Variants in KIAA1217 observed in about 807,000 individuals in gnomAD.
KIAA1217 encodes sickle tail protein homolog.
KIAA1217 carries 88 observed loss-of-function variants against 163.9 expected under a neutral mutation model. The observed-to-expected ratio is 0.54, with a 90% CI of 0.45 to 0.64. The LOEUF is 0.64. Among genes scored for constraint, KIAA1217 ranks in the 30% least tolerant of loss-of-function variants. The pLI is 0.00. For missense variants in KIAA1217, 2,372 were observed against 2,475.0 expected, an observed-to-expected ratio of 0.96 and a Z score of 0.88; for synonymous variants, 903 against 923.1, an observed-to-expected ratio of 0.98 and a Z score of 0.39.
chr10:23,843,366 C>T (rs2131073330), intron 1 of KIAA1217, among the ~76,000 whole-genome samples: 1 of 152,162 alleles, frequency 6.6e-6, no homozygotes, highest in South Asian at 2.1e-4. Context: ...AGCCTTTTTC[C>T]AACTCCCAGT....
intron 3 of KIAA1217, among the ~76,000 whole-genome samples, chr10:24,421,680 GT>G (rs2058742027): frequency 1.3e-5 from 2 of 152,134 alleles, no homozygotes; most frequent in Admixed American, 1.3e-4. Flanking sequence ...TTTTAAAAAA[GT>G]TATGAATGTG....
chr10:23,743,592 A>G (rs1344691087), intron 1 of KIAA1217, among the ~76,000 whole-genome samples: 2 of 152,216 alleles, frequency 1.3e-5, no homozygotes, highest in African/African-American at 4.8e-5. Flanking sequence ...TACAACAATT[A>G]TAATTATGGA....
At chr10:24,209,089 C>G, upstream of KIAA1217, 4 of 908,022 alleles carry the variant, frequency 4.4e-6, no homozygotes, top group South Asian at 5.6e-5. Context: ...CGCACCGTCC[C>G]CTCCTCCCCA....
chr10:24,310,113 T>G (rs77598978), intron 2 of KIAA1217, among the ~76,000 whole-genome samples: 1,617 of 152,308 alleles, frequency 0.011, 30 homozygotes, highest in East Asian at 0.082. Flanking sequence ...TTCTTCTAAA[T>G]TAGATATTAA....
At chr10:23,840,815 G>T (rs144183571) in intron 1 of KIAA1217, among the ~76,000 whole-genome samples, 1 of 152,212 alleles carries the variant, frequency 6.6e-6, no homozygotes, top group South Asian at 2.1e-4. Context: ...ATCAGAGTTC[G>T]ACAGAACTGA....
chr10:24,382,290 G>A (rs1179341817), intron 3 of KIAA1217, among the ~76,000 whole-genome samples: 1 of 152,012 alleles, frequency 6.6e-6, no homozygotes, highest in Non-Finnish European at 1.5e-5. Context: ...GCTGAACTCT[G>A]CCATGTAAAA....
intron 6 of KIAA1217, among the ~76,000 whole-genome samples, chr10:24,486,967 A>G (rs1592320768): frequency 6.6e-6 from 1 of 152,218 alleles, no homozygotes; most frequent in Non-Finnish European, 1.5e-5. Context: ...TGTCAGTTGG[A>G]TTAATGGCTG....
chr10:24,185,513 G>A (rs914971315), intron 2 of KIAA1217, among the ~76,000 whole-genome samples: 1 of 152,104 alleles, frequency 6.6e-6, no homozygotes, highest in Admixed American at 6.5e-5. Context: ...ATCAACTCTT[G>A]GCCAGGTATG....
intron 2 of KIAA1217, chr10:24,255,237 C>T (rs1403910051): frequency 3.9e-6 from 1 of 253,988 alleles, no homozygotes; most frequent in Non-Finnish European, 7.8e-6. Flanking sequence ...TTCTTGCCCT[C>T]ATTGTTAGTG....
chr10:23,790,533 A>ATG (rs1203393267), intron 1 of KIAA1217, among the ~76,000 whole-genome samples: 1 of 89,928 alleles, frequency 1.1e-5, no homozygotes, highest in African/African-American at 5.6e-5. Flanking sequence ...ACATATATAC[A>ATG]TATACATGTG....
At position 24,047,888 on chromosome 10, in the gene KIAA1217, T is replaced by C. The variant is rs563838533; in HGVS notation, c.-171+40514T>C. On this transcript the variant is annotated intron_variant, in intron 2 of 18. Coordinates refer to the KIAA1217 transcript ENST00000376462. Reference sequence around the variant, plus strand: ...GCCTGAAGGCAGTCATGGCTGTGGATAGGCAATGTCTTGAAAAGGTGCACT... The same window carrying C: ...GCCTGAAGGCAGTCATGGCTGTGGACAGGCAATGTCTTGAAAAGGTGCACT... Among the ~76,000 whole-genome samples, 14 of 152,348 alleles carry C rather than the reference T, an allele frequency of 9.2e-5. No individual in the cohort carries two copies. In the South Asian group the frequency reaches 2.7e-3, roughly 29 times the overall value.
chr10:24,311,914 T>C lies in KIAA1217; in HGVS notation c.355-68955T>C, dbSNP rs902609849. ...AGAACTGAGAGGGCAAGAGTATAGCTGGCTTTTTTGTAAGACTCATGAACT... is the reference window on the plus strand; with the variant it reads ...AGAACTGAGAGGGCAAGAGTATAGCCGGCTTTTTTGTAAGACTCATGAACT... On this transcript the variant is annotated intron_variant, in intron 2 of 20. Transcript: ENST00000376454. Among the ~76,000 whole-genome samples, 58 of 151,918 alleles carry C rather than the reference T, an allele frequency of 3.8e-4. 1 individual carries two copies. The highest frequency in any genetic ancestry group is 1.5e-5 in the Non-Finnish European group (1 of 68,010).
At chr10:24,007,381 T>G (rs1847049252) in intron 2 of KIAA1217, 1 of 152,174 alleles carries the variant, frequency 6.6e-6, no homozygotes, top group Non-Finnish European at 1.5e-5. Context: ...TTGGGTAAGG[T>G]CTATCTTTTT....
At chr10:24,093,518 G>C (rs1161826247) in intron 2 of KIAA1217, among the ~76,000 whole-genome samples, 1 of 151,534 alleles carries the variant, frequency 6.6e-6, no homozygotes, top group Admixed American at 6.6e-5. Context: ...TGCCCAAGCT[G>C]GTCTCAAACT....
chr10:23,876,035 A>AT (rs1002893427), intron 1 of KIAA1217, among the ~76,000 whole-genome samples: 2 of 151,878 alleles, frequency 1.3e-5, no homozygotes, highest in Non-Finnish European at 2.9e-5. Context: ...CCAACGTCGC[A>AT]TATGTATACC....
At chr10:23,922,302 A>G (rs2131294261) in intron 1 of KIAA1217, among the ~76,000 whole-genome samples, 1 of 152,110 alleles carries the variant, frequency 6.6e-6, no homozygotes, top group East Asian at 1.9e-4. Context: ...TGACCTCCAT[A>G]CCTCCTCATC....
chr10:24,354,820 A>G (rs866522189), intron 2 of KIAA1217, among the ~76,000 whole-genome samples: 26 of 136,046 alleles, frequency 1.9e-4, no homozygotes, highest in African/African-American at 7.8e-4. Flanking sequence ...CAGGATAGGG[A>G]GGCATGGCAG....
In KIAA1217 at chr10:24,171,192, G is replaced by C. The variant is rs373819158; in HGVS notation, c.-170-48434G>C. 1.2e-4 allele frequency among the ~76,000 whole-genome samples: 18 copies of C among 152,292 alleles called. No homozygotes were observed. In the East Asian group the frequency reaches 3.1e-3, roughly 26 times the overall value. Reference sequence around the variant, plus strand: ...GAATGTGAGTGCTCCGAGCAAATGGGTTTGTGATGACATTGTTATCATGAT... The same window carrying C: ...GAATGTGAGTGCTCCGAGCAAATGGCTTTGTGATGACATTGTTATCATGAT... On this transcript the variant is annotated intron_variant, in intron 2 of 18. Transcript: ENST00000376462.
chr10:24,240,584 C>T (rs1188093459), intron 2 of KIAA1217, among the ~76,000 whole-genome samples: 1 of 152,180 alleles, frequency 6.6e-6, no homozygotes, highest in East Asian at 1.9e-4. Flanking sequence ...CTGGCTTCAC[C>T]ACTTAGTGGC....
Sources: allele counts gnomAD v4.1 joint callset (sites outside exome capture counted in the v4.1 genomes callset), GRCh38; gene constraint gnomAD v4.1.1; transcripts MANE v1.5; gene names NCBI Gene and HGNC (gene_info 2026-07-23, HGNC 2026-07-21).